DGKB: variants seen among roughly 807,000 people sequenced by gnomAD.
The protein encoded by DGKB is diacylglycerol kinase beta.
A neutral mutation model predicts 114.3 loss-of-function variants in DGKB; 67 were observed. The ratio of observed to expected loss-of-function variants is 0.59; its 90% CI spans 0.48 to 0.72. The LOEUF is 0.72. Ranked by LOEUF, DGKB falls within the 30% of genes least tolerant of loss-of-function variation. The pLI is 0.00. For synonymous variants in DGKB, 398 were observed against 323.1 expected, an observed-to-expected ratio of 1.23 and a Z score of -2.49; for missense variants, 907 against 975.2, an observed-to-expected ratio of 0.93 and a Z score of 0.93.
intron 23 of DGKB, among the ~76,000 whole-genome samples, chr7:14,269,407 T>C (rs1584839518): frequency 6.6e-6 from 1 of 152,300 alleles, no homozygotes; most frequent in East Asian, 1.9e-4. Context: ...CACAAGTAGG[T>C]TTAAAGACTT....
intron 6 of DGKB, among the ~76,000 whole-genome samples, chr7:14,708,478 TG>T: frequency 6.8e-6 from 1 of 147,970 alleles, no homozygotes; most frequent in South Asian, 2.2e-4. Context: ...AAAGTTCATA[TG>T]GAACCAAAAG....
chr7:14,811,318 C>T (rs1339263512), intron 2 of DGKB, among the ~76,000 whole-genome samples: 2 of 152,076 alleles, frequency 1.3e-5, no homozygotes, highest in Admixed American at 6.6e-5. Flanking sequence ...AGTGATCCTC[C>T]CACTTCAGTT....
intron 20 of DGKB, among the ~76,000 whole-genome samples, chr7:14,539,492 C>T (rs1234205531): frequency 2.0e-5 from 3 of 152,084 alleles, no homozygotes; most frequent in Admixed American, 6.6e-5. Flanking sequence ...CTAAAAACAT[C>T]AATAAACTTC....
At chr7:14,815,792 G>C (rs1464903890) in intron 2 of DGKB, among the ~76,000 whole-genome samples, 1 of 152,152 alleles carries the variant, frequency 6.6e-6, no homozygotes, top group Non-Finnish European at 1.5e-5. Context: ...GAGGTCATGA[G>C]GAGGTCACAG....
intron 20 of DGKB, among the ~76,000 whole-genome samples, chr7:14,549,820 C>G (rs1794847971): frequency 1.3e-5 from 2 of 152,032 alleles, no homozygotes; most frequent in Admixed American, 1.3e-4. Flanking sequence ...AACCCCGTCT[C>G]TACTAAAAAA....
chr7:14,888,503 C>G (rs1054734936), intron 1 of DGKB, among the ~76,000 whole-genome samples: 1 of 151,702 alleles, frequency 6.6e-6, no homozygotes, highest in African/African-American at 2.4e-5. Context: ...GCTTAGAATA[C>G]ATTACATTTC....
intron 23 of DGKB, among the ~76,000 whole-genome samples, chr7:14,283,220 C>G (rs1005223458): frequency 1.3e-5 from 2 of 151,592 alleles, no homozygotes; most frequent in South Asian, 2.1e-4. Context: ...ACACCAACCA[C>G]AGACAAACAG....
At chr7:14,621,199 T>C in intron 15 of DGKB, 179 bp downstream of exon 15, 1 of 507,950 alleles carries the variant, frequency 2.0e-6, no homozygotes, top group Non-Finnish European at 3.5e-6. Flanking sequence ...ACCAGAATGT[T>C]ACTCTGTCAA....
intron 1 of DGKB, among the ~76,000 whole-genome samples, chr7:14,894,704 G>A (rs1459417488): frequency 6.6e-6 from 1 of 151,374 alleles, no homozygotes; most frequent in Non-Finnish European, 1.5e-5. Flanking sequence ...AGTTATGCAG[G>A]TACCTTGGAC....
intron 6 of DGKB, among the ~76,000 whole-genome samples, chr7:14,702,748 T>C (rs1345072519): frequency 1.3e-5 from 2 of 152,200 alleles, no homozygotes; most frequent in Non-Finnish European, 2.9e-5. Flanking sequence ...GCAGCATAAT[T>C]ATATAATGAC....
At chr7:14,181,058 T>C (rs2128250195) in intron 23 of DGKB, among the ~76,000 whole-genome samples, 1 of 152,156 alleles carries the variant, frequency 6.6e-6, no homozygotes, top group East Asian at 1.9e-4. Context: ...TATTTAAAAA[T>C]ATAAAAAAAT....
intron 21 of DGKB, among the ~76,000 whole-genome samples, chr7:14,464,047 A>G (rs1833484416): frequency 6.6e-6 from 1 of 151,584 alleles, no homozygotes; most frequent in Non-Finnish European, 1.5e-5. Context: ...TTTTTCCCCT[A>G]GTAAGATGTA....
At chr7:14,599,658 C>T (rs1201460613) in intron 17 of DGKB, among the ~76,000 whole-genome samples, 1 of 152,136 alleles carries the variant, frequency 6.6e-6, no homozygotes, top group Non-Finnish European at 1.5e-5. Flanking sequence ...TATATGTTTT[C>T]CATCACTAAA....
chr7:14,608,391 G>A (rs1294191981), intron 16 of DGKB, among the ~76,000 whole-genome samples: 3 of 151,522 alleles, frequency 2.0e-5, no homozygotes, highest in African/African-American at 7.3e-5. Flanking sequence ...ACAAAATCCT[G>A]TCATGAAAAA....
intron 23 of DGKB, among the ~76,000 whole-genome samples, chr7:14,213,681 T>G (rs1788501173): frequency 6.6e-6 from 1 of 152,126 alleles, no homozygotes; most frequent in South Asian, 2.1e-4. Flanking sequence ...CAGGAACTAG[T>G]GCAAAAATGC....
At chr7:14,560,873 G>A (rs1796557511) in intron 20 of DGKB, among the ~76,000 whole-genome samples, 1 of 152,164 alleles carries the variant, frequency 6.6e-6, no homozygotes. Flanking sequence ...TGTTGTTTCT[G>A]ACAATAGCCA....
intron 23 of DGKB, among the ~76,000 whole-genome samples, chr7:14,217,862 C>A (rs554248772): frequency 4.6e-5 from 7 of 152,150 alleles, no homozygotes; most frequent in Admixed American, 3.9e-4. Flanking sequence ...TCTTTTCTTT[C>A]TTTGTCCATT....
At chr7:14,970,570 T>C (rs1438112347) in intron 1 of DGKB, among the ~76,000 whole-genome samples, 2 of 151,752 alleles carry the variant, frequency 1.3e-5, no homozygotes, top group Non-Finnish European at 2.9e-5. Flanking sequence ...AATAAATAAA[T>C]AAACCAGAGG....
chr7:14,836,304 G>C (rs1197906511), intron 2 of DGKB, among the ~76,000 whole-genome samples: 1 of 152,168 alleles, frequency 6.6e-6, no homozygotes, highest in Admixed American at 6.5e-5. Flanking sequence ...AATGCCAGCT[G>C]CTATAAACTG....
Sources: allele counts gnomAD v4.1 joint callset (sites outside exome capture counted in the v4.1 genomes callset), GRCh38; gene constraint gnomAD v4.1.1; transcripts MANE v1.5; gene names NCBI Gene and HGNC (gene_info 2026-07-23, HGNC 2026-07-21).